Variants in FSIP2 observed in about 807,000 individuals in gnomAD.
The protein encoded by FSIP2 is fibrous sheath-interacting protein 2.
Under a neutral mutation model 510.5 loss-of-function variants are expected in FSIP2, and 367 were observed. The observed-to-expected ratio is 0.72, with a 90% CI of 0.66 to 0.78. The LOEUF (loss-of-function observed/expected upper bound fraction) is 0.78, where lower values mean the gene tolerates loss of function less well. Among genes scored for constraint, FSIP2 ranks in the 30% least tolerant of loss-of-function variants. The pLI, the probability that FSIP2 is intolerant of heterozygous loss-of-function variation, is 0.00. For synonymous variants in FSIP2, 2,601 were observed against 2,732.2 expected (o/e 0.95, Z 1.50); for missense variants, 7,594 against 7,901.7 (o/e 0.96, Z 1.48).
Position 185,803,321 on chromosome 2 carries a change from C to G in FSIP2, c.14015C>G (p.Ala4672Gly). The G allele has an allele frequency of 6.5e-7, 1 of 1,529,978 alleles. No individual in the cohort carries two copies. The highest frequency in any genetic ancestry group is 1.4e-5 in the African/African-American group (1 of 72,756). 94.8% of individuals were successfully genotyped at this position (1,529,978 alleles called of 1,614,324 possible). A position where few individuals can be genotyped will look rare whatever the true frequency, so the allele number is the denominator to read the frequency against. Residue 4672 changes from alanine to glycine, a missense_variant, in exon 17 of 23, where the codon GCC becomes GGC. Coordinates refer to ENST00000424728, the MANE Select transcript of FSIP2 (RefSeq NM_173651.4). ...TTGATTACAGGGGAATTCTCAAAAG[C>G]CCAAGTTAGCATTATAGATAATACT... ...IHLITGEFSK[A>G]QVSIIDNTEE...
At chr2:185,773,887 G>C (rs1692663880) in intron 13 of FSIP2, among the ~76,000 whole-genome samples, 2 of 152,082 alleles carry the variant, frequency 1.3e-5, no homozygotes, top group South Asian at 4.1e-4. Flanking sequence ...TTAAAGATTG[G>C]AGAATTTTGT....
rs1310108244 is a variant in FSIP2, at chr2:185,801,838, T to A, written c.12532T>A (p.Ser4178Thr). The change falls in exon 17 of 23, where the codon TCC (serine) becomes ACC (threonine). Residue 4178 changes from serine to threonine, a missense_variant. Transcript: ENST00000424728. Reference sequence around the variant, plus strand: ...AATGAGTTCTGATTTTAATGAAATGTCCACTTGTATAATAAATAAGGTTAT... The same window carrying A: ...AATGAGTTCTGATTTTAATGAAATGACCACTTGTATAATAAATAAGGTTAT... ...YLMSSDFNEM[S>T]TCIINKVMSA... 6.7e-7 allele frequency: 1 copy of A among 1,485,264 alleles called. No individual in the cohort carries two copies. Among genetic ancestry groups the A allele is most frequent in the East Asian group, 2.5e-5 (1 of 40,646 alleles). 92.0% of individuals were successfully genotyped at this position (1,485,264 alleles called of 1,614,324 possible). A position where few individuals can be genotyped will look rare whatever the true frequency, so the allele number is the denominator to read the frequency against.
chr2:185,751,260 A>T (rs1283498056), intron 7 of FSIP2, among the ~76,000 whole-genome samples: 1 of 151,542 alleles, frequency 6.6e-6, no homozygotes, highest in East Asian at 1.9e-4. Context: ...ATTAGGTAAA[A>T]AATGGCTAGA....
At chr2:185,830,489 G>C (rs1694087992) in intron 21 of FSIP2, among the ~76,000 whole-genome samples, 1 of 151,770 alleles carries the variant, frequency 6.6e-6, no homozygotes, top group African/African-American at 2.4e-5. Flanking sequence ...TCAAAATTCA[G>C]GGGTGCTCAA....
chr2:185,809,572 T>A (rs1377409455), intron 17 of FSIP2, among the ~76,000 whole-genome samples: 1 of 152,072 alleles, frequency 6.6e-6, no homozygotes. Flanking sequence ...ATAGTTTTAA[T>A]TTTCAAATTT....
chr2:185,743,820 A>G (rs1691973087), intron 3 of FSIP2, among the ~76,000 whole-genome samples: 1 of 152,170 alleles, frequency 6.6e-6, no homozygotes. Context: ...TGATATAAGT[A>G]ATATTAATAA....
At chr2:185,750,747 G>A (rs1356158298) in intron 7 of FSIP2, among the ~76,000 whole-genome samples, 1 of 150,244 alleles carries the variant, frequency 6.7e-6, no homozygotes, top group Non-Finnish European at 1.5e-5. Context: ...CCTAACACTG[G>A]TCTATCAAGA....
rs757564095 is a variant in FSIP2 at position 185,806,782 on chromosome 2, G to A, written c.17476G>A (p.Asp5826Asn). Residue 5826 changes from aspartate to asparagine, a missense_variant, in exon 17 of 23, where the codon GAC (aspartate) becomes AAC (asparagine). Asp to Asn is a conservative substitution (Grantham distance 23). Transcript: ENST00000424728. ...TAAGCAAAATCAAGCCAAACTCTAT[G>A]ACACTGCTATGAAACTCATCAATTC... ...SDKQNQAKLY[D>N]TAMKLINSLL... 1.2e-6 allele frequency: 2 copies of A among 1,611,998 alleles called. No homozygotes were observed. The highest frequency in any genetic ancestry group is 1.7e-6 in the Non-Finnish European group (2 of 1,178,760).
In FSIP2 at chr2:185,761,015, G is replaced by A. The variant is rs1426712184; in HGVS notation, c.1106G>A (p.Arg369His). ...HGHTANAAHQRQNSSNNFTKK... is the reference protein window; with the variant it reads ...HGHTANAAHQHQNSSNNFTKK... The stretch of plus-strand genomic sequence containing the variant: ...CATACAGCAAATGCTGCTCATCAGC[G>A]TCAAAATAGTTCAAATAATTTTACG... Residue 369 changes from arginine to histidine, a missense_variant, in exon 10 of 23, where the codon CGT (arginine) becomes CAT (histidine). Transcript: ENST00000424728. The A allele has an allele frequency of 2.7e-6, 4 of 1,497,212 alleles. No homozygotes were observed. The highest frequency in any genetic ancestry group is 2.5e-5 in the East Asian group (1 of 40,132). The allele number at this position is 1,497,212 out of a possible 1,614,324, so 92.7% of individuals were successfully genotyped here. A position where few individuals can be genotyped will look rare whatever the true frequency, so the allele number is the denominator to read the frequency against.
In FSIP2 at chr2:185,806,450, T is replaced by G; in HGVS notation, c.17144T>G (p.Leu5715Ter). The change falls in exon 17 of 23, where the codon TTA becomes TGA. Residue 5715 changes from leucine (L) to a stop codon, truncating the protein, a stop_gained. Transcript: ENST00000424728. LOFTEE classifies it high-confidence loss of function. ...CAAAGCCCCCCAGGTGATAATGTAT[T>G]AAATGTAATTCAAGAGATTAGCAGG... ...YDQSPPGDNVLNVIQEISRDS... is the reference protein window; with the variant it reads ...YDQSPPGDNV 6.2e-7 allele frequency: 1 copy of G among 1,611,942 alleles called. No individual in the cohort carries two copies. The highest frequency in any genetic ancestry group is 8.5e-7 in the Non-Finnish European group (1 of 1,178,678).
rs1434653320 is a variant in FSIP2 at position 185,795,353 on chromosome 2, C to T, written c.8217C>T (p.Ala2739=). 2 of 1,534,324 alleles carry T rather than the reference C, an allele frequency of 1.3e-6. No individual in the cohort carries two copies. Among genetic ancestry groups the T allele is most frequent in the East Asian group, 2.4e-5 (1 of 40,856 alleles). ...KLPTSELKIY[A]KDIIINILET... ...CCACTTCAGAACTAAAAATATATGC[C>T]AAGGATATAATAATTAACATCCTAG... Residue 2739 remains alanine, a synonymous_variant, in exon 16 of 23, where the codon GCC becomes GCT. Transcript: ENST00000424728.
chr2:185,797,050 A>G lies in FSIP2; in HGVS notation c.9914A>G (p.Tyr3305Cys). The G allele has an allele frequency of 1.3e-6, 2 of 1,535,272 alleles. No individual in the cohort carries two copies. The highest frequency in any genetic ancestry group is 1.7e-6 in the Non-Finnish European group (2 of 1,146,314). Residue 3305 changes from tyrosine (Y) to cysteine (C), a missense_variant, in exon 16 of 23, where the codon TAT becomes TGT. Physicochemically the swap from Tyr to Cys is radical, Grantham distance 194. Coordinates refer to ENST00000424728, the MANE Select transcript of FSIP2 (RefSeq NM_173651.4). Reference protein sequence around the residue: ...GKGENLRVFHYENLKPVVEPN... With the variant: ...GKGENLRVFHCENLKPVVEPN... ...GGTGAAAATCTAAGAGTGTTTCATT[A>G]TGAGAACCTAAAACCAGTTGTTGAA...
chr2:185,804,035 C>A lies in FSIP2; in HGVS notation c.14729C>A (p.Ser4910Ter). 1.3e-6 allele frequency: 2 copies of A among 1,505,992 alleles called. No homozygotes were observed. Among genetic ancestry groups the A allele is most frequent in the South Asian group, 1.3e-5 (1 of 79,748 alleles). 93.3% of individuals were successfully genotyped at this position (1,505,992 alleles called of 1,614,324 possible). Residue 4910 changes from serine (S) to a stop codon, truncating the protein, a stop_gained, in exon 17 of 23, where the codon TCA becomes TAA. Coordinates refer to ENST00000424728, the MANE Select transcript of FSIP2 (RefSeq NM_173651.4). LOFTEE classifies it high-confidence loss of function. Reference sequence around the variant, plus strand: ...GAAATCTTTAACCATCATATTCAATCATTTTTATCTGAAGATAAAACTCTC... The same window carrying A: ...GAAATCTTTAACCATCATATTCAATAATTTTTATCTGAAGATAAAACTCTC... ...IKEIFNHHIQSFLSEDKTLLL... is the reference protein window; with the variant it reads ...IKEIFNHHIQ
intron 9 of FSIP2, among the ~76,000 whole-genome samples, chr2:185,760,010 TC>T (rs199805382): frequency 5.5e-5 from 6 of 108,852 alleles, no homozygotes; most frequent in Admixed American, 4.5e-4. Context: ...TTTGGATTTT[TC>T]AGAGAATTTG....
rs779833811 is a variant in FSIP2 at position 185,743,281 on chromosome 2, C to T, written c.374C>T (p.Thr125Ile). Reference sequence around the variant, plus strand: ...AGATTAAAGAAAGGTGGCTACATCACCAGCAATAATAAAGTGGGTTGAAAA... The same window carrying T: ...AGATTAAAGAAAGGTGGCTACATCATCAGCAATAATAAAGTGGGTTGAAAA... ...LKRLKKGGYI[T>I]SNNKVVCTLR... The change falls in exon 3 of 23, where the codon ACC (threonine) becomes ATC (isoleucine). Residue 125 changes from threonine to isoleucine, a missense_variant. Thr to Ile is a moderately conservative substitution (Grantham distance 89). Coordinates refer to ENST00000424728, the MANE Select transcript of FSIP2 (RefSeq NM_173651.4). 1.3e-6 allele frequency: 2 copies of T among 1,493,432 alleles called. No homozygotes were observed. Among genetic ancestry groups the T allele is most frequent in the South Asian group, 2.6e-5 (2 of 76,540 alleles). The allele number at this position is 1,493,432 out of a possible 1,614,324, so 92.5% of individuals were successfully genotyped here.
Position 185,790,507 on chromosome 2 carries a change from T to C in FSIP2, c.3371T>C (p.Val1124Ala). Residue 1124 changes from valine (V) to alanine (A), a missense_variant, in exon 16 of 23, where the codon GTT (valine) becomes GCT (alanine). Physicochemically the swap from Val to Ala is moderately conservative, Grantham distance 64. Coordinates refer to ENST00000424728, the MANE Select transcript of FSIP2 (RefSeq NM_173651.4). ...LKEMLKDISS[V>A]PFGHLDSKTG... ...GAAATGCTCAAGGACATATCTTCCG[T>C]TCCTTTTGGTCACTTAGACAGCAAA... 1 of 1,534,238 alleles carries C rather than the reference T, an allele frequency of 6.5e-7. No individual in the cohort carries two copies. Among genetic ancestry groups the C allele is most frequent in the South Asian group, 1.2e-5 (1 of 83,948 alleles).
intron 8 of FSIP2, among the ~76,000 whole-genome samples, chr2:185,755,963 A>G (rs1692238322): frequency 6.6e-6 from 1 of 151,494 alleles, no homozygotes. Context: ...TCTGCTAGAA[A>G]AACATTCTAT....
rs1693166253 is a variant in FSIP2 at position 185,792,665 on chromosome 2, A to G, written c.5529A>G (p.Thr1843=). 1 of 1,533,498 alleles carries G rather than the reference A, an allele frequency of 6.5e-7. No individual in the cohort carries two copies. The highest frequency in any genetic ancestry group is 2.0e-5 in the Admixed American group (1 of 50,848). The allele number at this position is 1,533,498 out of a possible 1,614,324, so 95.0% of individuals were successfully genotyped here. A position where few individuals can be genotyped will look rare whatever the true frequency, so the allele number is the denominator to read the frequency against. The change falls in exon 16 of 23, where the codon ACA becomes ACG. Residue 1843 remains threonine (T), a synonymous_variant. Coordinates refer to ENST00000424728, the MANE Select transcript of FSIP2 (RefSeq NM_173651.4). ...LLSEADITIV[T]DNIVRTVFHK... ...CGGAAGCAGATATAACCATAGTAAC[A>G]GATAATATTGTTAGGACTGTATTTC...
intron 16 of FSIP2, 62 bp downstream of exon 16, chr2:185,797,588 A>G (rs1294439622): frequency 8.3e-6 from 12 of 1,448,516 alleles, no homozygotes; most frequent in African/African-American, 1.4e-5. Context: ...AGTAAAAGAC[A>G]TGTTTAAAAG....
Sources: allele counts gnomAD v4.1 joint callset (sites outside exome capture counted in the v4.1 genomes callset), GRCh38; gene constraint gnomAD v4.1.1; transcripts MANE v1.5; gene names NCBI Gene and HGNC (gene_info 2026-07-23, HGNC 2026-07-21).